WDPCP: variants seen among roughly 807,000 people sequenced by gnomAD.
WDPCP encodes WD repeat containing planar cell polarity effector, also known as WD repeat-containing and planar cell polarity effector protein fritz homolog.
Under a neutral mutation model 93.1 loss-of-function variants are expected in WDPCP, and 71 were observed. The observed-to-expected ratio is 0.76, with a 90% confidence interval of 0.63 to 0.93. WDPCP has a LOEUF of 0.93. Ranked by LOEUF, WDPCP falls within the 40% of genes least tolerant of loss-of-function variation. The pLI is 0.00. For missense variants in WDPCP, 844 were observed against 887.4 expected (o/e 0.95, Z 0.62); for synonymous variants, 315 against 315.0 (o/e 1.00, Z 0.00).
At chr2:63,760,087 G>C (rs1042300050) in intron 2 of WDPCP, among the ~76,000 whole-genome samples, 1 of 152,172 alleles carries the variant, frequency 6.6e-6, no homozygotes, top group African/African-American at 2.4e-5. Flanking sequence ...GACTGTGAAT[G>C]AGCCTGGGCT....
At chr2:63,218,910 A>C (rs1454249500) in intron 14 of WDPCP, among the ~76,000 whole-genome samples, 2 of 152,160 alleles carry the variant, frequency 1.3e-5, no homozygotes, top group Admixed American at 1.3e-4. Context: ...TTGCAATTTT[A>C]ATTCAGTATA....
chr2:63,658,581 C>G (rs578154159), intron 2 of WDPCP, among the ~76,000 whole-genome samples: 1 of 152,306 alleles, frequency 6.6e-6, no homozygotes, highest in East Asian at 1.9e-4. Context: ...TATATTTATT[C>G]TTATTTATCA....
At chr2:63,685,290 A>G (rs1668790180) in intron 2 of WDPCP, among the ~76,000 whole-genome samples, 1 of 152,248 alleles carries the variant, frequency 6.6e-6, no homozygotes. Context: ...CTGATAGAGC[A>G]GAAATTCAAA....
intron 2 of WDPCP, among the ~76,000 whole-genome samples, chr2:63,666,606 T>C (rs1710286447): frequency 6.6e-6 from 1 of 152,238 alleles, no homozygotes; most frequent in African/African-American, 2.4e-5. Context: ...TTTAGTCCTG[T>C]GTGCTAATGA....
At chr2:63,567,836 T>C (rs1288477155) in intron 1 of WDPCP, among the ~76,000 whole-genome samples, 2 of 152,256 alleles carry the variant, frequency 1.3e-5, no homozygotes, top group African/African-American at 2.4e-5. Context: ...GGCCAGTGCC[T>C]TTCACGATGC....
At chr2:63,604,710 T>G (rs1173480047) in intron 3 of WDPCP, 7 of 1,613,660 alleles carry the variant, frequency 4.3e-6, no homozygotes. Flanking sequence ...CTCTTAAACT[T>G]GGTGTGACTG....
rs1228276176 is a variant in WDPCP at position 63,153,528 on chromosome 2, C to T, written c.2125G>A (p.Gly709Arg). ...TTACAGGTATTAGTCATCAAAAATC[C>T]AGAACAGATGTCTTTTTCAAGTTCA... ...RNELEKDICS[G>R]FLMTNTCNAE... is the part of the protein sequence containing the mutation. The change falls in exon 16 of 18, where the codon GGA becomes AGA. Residue 709 changes from glycine to arginine, a missense_variant. By Grantham distance (125) the Gly-to-Arg change is moderately radical (BLOSUM62 -2). Transcript: ENST00000272321. 6.2e-7 allele frequency: 1 copy of T among 1,612,524 alleles called. No individual in the cohort carries two copies. The highest frequency in any genetic ancestry group is 1.7e-5 in the Admixed American group (1 of 59,934).
intron 1 of WDPCP, among the ~76,000 whole-genome samples, chr2:63,511,641 A>G (rs1395473520): frequency 6.6e-6 from 1 of 152,226 alleles, no homozygotes; most frequent in Non-Finnish European, 1.5e-5. Context: ...AAAACAAGCA[A>G]TGGGGAAAGG....
intron 12 of WDPCP, among the ~76,000 whole-genome samples, chr2:63,316,338 A>G (rs1054103310): frequency 6.6e-6 from 1 of 152,140 alleles, no homozygotes; most frequent in African/African-American, 2.4e-5. Flanking sequence ...TAAAATATCC[A>G]CATTTGTAAT....
chr2:63,518,370 C>T (rs1296046640), intron 1 of WDPCP: 1 of 152,280 alleles, frequency 6.6e-6, no homozygotes, highest in Non-Finnish European at 1.5e-5. Context: ...AGGACCTGTT[C>T]CTGGTCCCCA....
intron 1 of WDPCP, among the ~76,000 whole-genome samples, chr2:63,505,473 A>G (rs1452933357): frequency 1.3e-5 from 2 of 152,084 alleles, no homozygotes; most frequent in Non-Finnish European, 2.9e-5. Context: ...CTGATATTTA[A>G]AAATCAGTAG....
chr2:63,471,714 T>G (rs1699701710), intron 6 of WDPCP, among the ~76,000 whole-genome samples: 1 of 152,188 alleles, frequency 6.6e-6, no homozygotes, highest in Admixed American at 6.5e-5. Flanking sequence ...CTGCCCCTAT[T>G]TGGACTAGCT....
chr2:63,525,015 C>A (rs571938038), intron 1 of WDPCP, among the ~76,000 whole-genome samples: 2 of 152,000 alleles, frequency 1.3e-5, no homozygotes, highest in Non-Finnish European at 2.9e-5. Flanking sequence ...CAATGGTAGA[C>A]TGGATAAAGA....
At chr2:63,684,024 G>T (rs539404348) in intron 2 of WDPCP, among the ~76,000 whole-genome samples, 1 of 152,008 alleles carries the variant, frequency 6.6e-6, no homozygotes, top group Non-Finnish European at 1.5e-5. Flanking sequence ...AATGATAGCC[G>T]GAGACTTCAA....
chr2:63,746,784 C>T (rs906423311), intron 2 of WDPCP, among the ~76,000 whole-genome samples: 1 of 152,274 alleles, frequency 6.6e-6, no homozygotes, highest in East Asian at 1.9e-4. Context: ...AATGATAATG[C>T]GTGCACAGCG....
chr2:63,299,803 G>C (rs994052121), intron 13 of WDPCP, among the ~76,000 whole-genome samples: 2 of 152,144 alleles, frequency 1.3e-5, no homozygotes, highest in Non-Finnish European at 2.9e-5. Flanking sequence ...GCAAGGACAT[G>C]GGAGTCCTTG....
chr2:63,826,440 A>G (rs1382052708), intron 1 of WDPCP, among the ~76,000 whole-genome samples: 1 of 152,118 alleles, frequency 6.6e-6, no homozygotes, highest in Non-Finnish European at 1.5e-5. Flanking sequence ...GTGTCCTATT[A>G]TAGGTATTTT....
intron 2 of WDPCP, among the ~76,000 whole-genome samples, chr2:63,731,287 C>A (rs1029234283): frequency 4.8e-4 from 71 of 147,748 alleles, no homozygotes; most frequent in African/African-American, 1.3e-3. Context: ...AAAAAAAAGA[C>A]AAGAATAAGA....
At chr2:63,409,377 A>G (rs557516385) in intron 9 of WDPCP, among the ~76,000 whole-genome samples, 46 of 152,334 alleles carry the variant, frequency 3.0e-4, no homozygotes, top group African/African-American at 8.9e-4. Flanking sequence ...GAACACGCAG[A>G]GGGACAAAAG....
Sources: allele counts gnomAD v4.1 joint callset (sites outside exome capture counted in the v4.1 genomes callset), GRCh38; gene constraint gnomAD v4.1.1; transcripts MANE v1.5; gene names NCBI Gene and HGNC (gene_info 2026-07-23, HGNC 2026-07-21).